The following TMEM200C variants were observed in gnomAD, a reference collection of about 807,000 sequenced individuals.
TMEM200C encodes the protein transmembrane protein 200C, also known as transmembrane protein TTMA.
For synonymous variants in TMEM200C, 462 were observed against 324.7 expected (o/e 1.42, Z -4.55); for missense variants, 966 against 699.9 (o/e 1.38, Z -4.29).
rs753663173 is a variant in TMEM200C, at chr18:5,891,373, A to AGGCGGCGGCGGCCGC, written c.676_690dup (p.Ala226_Ala230dup). 1.6e-5 allele frequency: 21 copies of AGGCGGCGGCGGCCGC among 1,340,784 alleles called. No individual in the cohort carries two copies. The highest frequency in any genetic ancestry group is 1.8e-5 in the Non-Finnish European group (19 of 1,053,178). The allele number at this position is 1,340,784 out of a possible 1,614,324, so 83.1% of individuals were successfully genotyped here. Reference sequence around the variant, plus strand: ...GCGGCGGGGGCAGACGACGACGAAGAGGCGGCGGCGGCCGCGGCGGCGGCC... The same window carrying AGGCGGCGGCGGCCGC: ...GCGGCGGGGGCAGACGACGACGAAGAGGCGGCGGCGGCCGCGGCGGCGGCGGCCGCGGCGGCGGCC... On this transcript the variant is annotated inframe_insertion, in exon 3 of 3. Transcript: ENST00000581347. This position sits in a 1 kb window ranked among gnomAD's most constrained non-coding sequence, Gnocchi z 4.7.
At chr18:5,887,414 A>G (rs1412841251) in exon 3 of TMEM200C, 1 of 152,188 alleles carries the variant, frequency 6.6e-6, no homozygotes, top group Non-Finnish European at 1.5e-5. Flanking sequence ...AATTTTCTGC[A>G]TTTCTCTAAG....
chr18:5,891,989 G>C lies in TMEM200C; in HGVS notation c.75C>G (p.Pro25=). The C allele has an allele frequency of 6.8e-6, 11 of 1,613,982 alleles. No individual in the cohort carries two copies. Among genetic ancestry groups the C allele is most frequent in the Non-Finnish European group, 9.3e-6 (11 of 1,179,900 alleles). ...TCTTCTTGGCTTTCCGCTTGCGCTT[G>C]GGTATCTGGCTTGGGGGGCGGAGTG... The change falls in exon 3 of 3, where the codon CCC becomes CCG. Residue 25 remains proline, a synonymous_variant. Transcript: ENST00000581347. This position sits in a 1 kb window ranked among gnomAD's most constrained non-coding sequence, Gnocchi z 4.7.
exon 1 of TMEM200C, chr18:5,895,888 A>G (rs2095175828): frequency 6.6e-6 from 1 of 151,654 alleles, no homozygotes; most frequent in Non-Finnish European, 1.5e-5. Context: ...GGCCCCAAAG[A>G]GAGGCCCGGA....
exon 3 of TMEM200C, chr18:5,888,304 C>G (rs1166426703): frequency 6.6e-6 from 1 of 152,070 alleles, no homozygotes; most frequent in African/African-American, 2.4e-5. Context: ...ATAGAAGAGC[C>G]CAATATATTA....
chr18:5,884,140 C>A (rs1012841255), exon 3 of TMEM200C: 2 of 152,038 alleles, frequency 1.3e-5, no homozygotes, highest in Non-Finnish European at 2.9e-5. Context: ...AAGGAGACAT[C>A]TATTTATCTA....
exon 3 of TMEM200C, chr18:5,890,444 C>A (rs1323650513): frequency 3.2e-6 from 5 of 1,578,424 alleles, no homozygotes; most frequent in Non-Finnish European, 4.3e-6. Flanking sequence ...CGGCCTCCCG[C>A]AGGGGTGTGT....
exon 2 of TMEM200C, chr18:5,895,093 G>A (rs1206987163): frequency 6.6e-6 from 1 of 152,322 alleles, no homozygotes; most frequent in Non-Finnish European, 1.5e-5. Flanking sequence ...AGGAACCATG[G>A]AGAAACTTTT....
exon 3 of TMEM200C, chr18:5,887,893 TTA>T (rs1188997489): frequency 6.6e-6 from 1 of 152,228 alleles, no homozygotes; most frequent in African/African-American, 2.4e-5. Context: ...AAAAATCTAG[TTA>T]AATTGTTCAA....
At chr18:5,892,129 C>T in exon 3 of TMEM200C, 2 of 1,438,076 alleles carry the variant, frequency 1.4e-6, no homozygotes, top group Non-Finnish European at 1.9e-6. Context: ...GCGCCAACTG[C>T]CCACTAGCTG....
At chr18:5,890,436 G>A in exon 3 of TMEM200C, 1 of 1,573,688 alleles carries the variant, frequency 6.4e-7, no homozygotes, top group Non-Finnish European at 8.7e-7. Flanking sequence ...GGAGGTGCCG[G>A]CCTCCCGCAG....
chr18:5,894,192 A>G (rs1252905965), intron 2 of TMEM200C, among the ~76,000 whole-genome samples: 1 of 152,076 alleles, frequency 6.6e-6, no homozygotes, highest in Non-Finnish European at 1.5e-5. Flanking sequence ...TTGGGGGAGG[A>G]GGAAACCCAC....
chr18:5,890,368 G>T (rs751746061), exon 3 of TMEM200C: 5 of 1,593,840 alleles, frequency 3.1e-6, no homozygotes, highest in Admixed American at 1.7e-5. Context: ...CCCAGAACGG[G>T]GGCGGCCACA....
Position 5,891,763 on chromosome 18 carries a change from T to C in TMEM200C, c.301A>G (p.Thr101Ala). The C allele has an allele frequency of 3.1e-6, 5 of 1,610,334 alleles. No homozygotes were observed. Among genetic ancestry groups the C allele is most frequent in the Non-Finnish European group, 4.2e-6 (5 of 1,179,494 alleles). The stretch of plus-strand genomic sequence containing the variant: ...CTGCCACTGCTACTGCTGTTGGCCG[T>C]GGTTGGGACCCGGTGGCTGCTGCCC... The change falls in exon 3 of 3, where the codon ACG becomes GCG. Residue 101 changes from threonine (T) to alanine (A), a missense_variant. Physicochemically the swap from Thr to Ala is moderately conservative, Grantham distance 58. Transcript: ENST00000581347. This position sits in a 1 kb window ranked among gnomAD's most constrained non-coding sequence, Gnocchi z 4.7.
chr18:5,883,102 A>G (rs183193371), exon 3 of TMEM200C: 30 of 152,262 alleles, frequency 2.0e-4, no homozygotes, highest in Admixed American at 1.9e-3. Flanking sequence ...GGCTCTGACA[A>G]TAAACCATAA....
chr18:5,891,983 G>C lies in TMEM200C; in HGVS notation c.81C>G (p.Arg27=), dbSNP rs557788842. The change falls in exon 3 of 3, where the codon CGC becomes CGG. Residue 27 remains arginine (R), a synonymous_variant. Transcript: ENST00000581347. The surrounding 1 kb of genome is among the most constrained non-coding windows in gnomAD (Gnocchi z 4.7). ...TGCGCCTCTTCTTGGCTTTCCGCTT[G>C]CGCTTGGGTATCTGGCTTGGGGGGC... is the stretch of plus-strand genomic sequence containing the variant. 4 of 1,613,852 alleles carry C rather than the reference G, an allele frequency of 2.5e-6. No individual in the cohort carries two copies. The African/African-American group carries it at 5.3e-5, about 22-fold the overall frequency.
exon 3 of TMEM200C, chr18:5,884,374 T>C (rs2095163902): frequency 6.6e-6 from 1 of 152,158 alleles, no homozygotes; most frequent in Admixed American, 6.5e-5. Context: ...TCTTCATTTC[T>C]CAAGACTCAG....
At chr18:5,890,218 G>C (rs746264079) in exon 3 of TMEM200C, 1 of 1,560,034 alleles carries the variant, frequency 6.4e-7, no homozygotes, top group Admixed American at 1.8e-5. Flanking sequence ...GTGCTTTCCA[G>C]TTCTTCTTCT....
chr18:5,890,574 G>C (rs956337947), exon 3 of TMEM200C: 2 of 1,349,504 alleles, frequency 1.5e-6, no homozygotes, highest in African/African-American at 3.0e-5. Flanking sequence ...CAGAGGGCTG[G>C]AGTCCGGGTC....
Position 5,891,542 on chromosome 18 carries a change from G to A in TMEM200C, c.522C>T (p.Gly174=). ...CGCAGATGAAGAGGAAGATGCCGATGCCCATGATGAGGGGCCCGAAGACCT... is the reference window on the plus strand; with the variant it reads ...CGCAGATGAAGAGGAAGATGCCGATACCCATGATGAGGGGCCCGAAGACCT... Residue 174 remains glycine (G), a synonymous_variant, in exon 3 of 3, where the codon GGC becomes GGT. Transcript: ENST00000581347. This position sits in a 1 kb window ranked among gnomAD's most constrained non-coding sequence, Gnocchi z 4.7. The A allele has an allele frequency of 6.2e-7, 1 of 1,613,564 alleles. No homozygotes were observed. The highest frequency in any genetic ancestry group is 8.5e-7 in the Non-Finnish European group (1 of 1,179,762).
Sources: gnomAD v4.1 joint callset for allele counts (sites outside exome capture counted in the v4.1 genomes callset) on GRCh38, gnomAD v4.1.1 for gene constraint, Gnocchi (gnomAD v3.1) non-coding constraint, MANE v1.5 for transcripts, NCBI Gene and HGNC (gene_info 2026-07-23, HGNC 2026-07-21) for gene names.